The following VPS35L variants were observed in gnomAD, a reference collection of about 807,000 sequenced individuals.
The protein encoded by VPS35L is VPS35 endosomal protein sorting factor like.
Under a neutral mutation model 133.0 loss-of-function variants are expected in VPS35L, and 83 were observed. That is an observed-to-expected ratio of 0.62 (90% CI 0.52 to 0.75). The LOEUF is 0.75. VPS35L is among the 30% of genes least tolerant of loss of function. The pLI is 0.00. For missense variants in VPS35L, 1,083 were observed against 1,206.8 expected, an observed-to-expected ratio of 0.90 and a Z score of 1.52; for synonymous variants, 423 against 449.9, an observed-to-expected ratio of 0.94 and a Z score of 0.76.
In VPS35L at chr16:19,609,110, A is replaced by G. The variant is rs561606925; in HGVS notation, c.929+89A>G. Reference sequence around the variant, plus strand: ...TAGTAATGGCAATGTAATAGTAGCCATTATTCACTGAGTACTTAATGTGTG... The same window carrying G: ...TAGTAATGGCAATGTAATAGTAGCCGTTATTCACTGAGTACTTAATGTGTG... On this transcript the variant is annotated intron_variant, in intron 11 of 30. Coordinates refer to ENST00000417362, the MANE Select transcript of VPS35L (RefSeq NM_020314.7). 2.1e-3 allele frequency: 2,369 copies of G among 1,112,120 alleles called. 6 individuals carry two copies. The highest frequency in any genetic ancestry group is 2.8e-3 in the Non-Finnish European group (2,020 of 733,192). The allele number at this position is 1,112,120 out of a possible 1,614,324, so 68.9% of individuals were successfully genotyped here.
At chr16:19,558,035 A>C (rs1597294935) in intron 1 of VPS35L, among the ~76,000 whole-genome samples, 1 of 151,862 alleles carries the variant, frequency 6.6e-6, no homozygotes, top group Non-Finnish European at 1.5e-5. Flanking sequence ...GTGCCATTGC[A>C]CTCCAGCCTG....
At chr16:19,640,197 G>T (rs913337878) in intron 21 of VPS35L, 97 bp downstream of exon 21, 11 of 1,094,728 alleles carry the variant, frequency 1.0e-5, no homozygotes, top group Non-Finnish European at 1.5e-5. Context: ...GCCGAGTGAT[G>T]TGTACGTATT....
At chr16:19,577,797 A>G (rs554879201) in intron 5 of VPS35L, among the ~76,000 whole-genome samples, 31 of 152,306 alleles carry the variant, frequency 2.0e-4, no homozygotes, top group Non-Finnish European at 3.1e-4. Context: ...CCCTTCCACC[A>G]AGTGAAAACA....
Position 19,610,564 on chromosome 16 carries a change from A to G in VPS35L, c.1023+149A>G, listed in dbSNP as rs553285376. ...ATTTTAGATCATGGCTCTGCCACAGAAAGTAGAACTGTAGGGTTTCTTTTA... is the reference window on the plus strand; with the variant it reads ...ATTTTAGATCATGGCTCTGCCACAGGAAGTAGAACTGTAGGGTTTCTTTTA... On this transcript the variant is annotated intron_variant, in intron 12 of 30. Transcript: ENST00000417362. 1.3e-4 allele frequency: 66 copies of G among 511,950 alleles called. No homozygotes were observed. In the Middle Eastern group the frequency reaches 2.1e-3, roughly 16 times the overall value. The allele number at this position is 511,950 out of a possible 1,614,324, so 31.7% of individuals were successfully genotyped here. A position where few individuals can be genotyped will look rare whatever the true frequency, so the allele number is the denominator to read the frequency against.
At chr16:19,671,546 G>C (rs1351094368) in intron 27 of VPS35L, among the ~76,000 whole-genome samples, 2 of 150,504 alleles carry the variant, frequency 1.3e-5, no homozygotes, top group Non-Finnish European at 2.9e-5. Context: ...GGAGGCTGAA[G>C]CAGGTGGGTC....
intron 14 of VPS35L, among the ~76,000 whole-genome samples, chr16:19,625,863 G>T (rs113123505): frequency 6.6e-6 from 1 of 152,066 alleles, no homozygotes; most frequent in African/African-American, 2.4e-5. Flanking sequence ...TAGTGGAGAC[G>T]GGGTTTTACC....
chr16:19,627,475 C>T (rs1353695403), intron 15 of VPS35L, among the ~76,000 whole-genome samples: 1 of 152,172 alleles, frequency 6.6e-6, no homozygotes, highest in African/African-American at 2.4e-5. Context: ...GCCATCCATC[C>T]ATCTAAACAT....
chr16:19,623,672 G>C (rs1275646818), intron 14 of VPS35L, among the ~76,000 whole-genome samples: 4 of 151,856 alleles, frequency 2.6e-5, no homozygotes, highest in Admixed American at 2.0e-4. Flanking sequence ...GGGTGGAATT[G>C]CACTTAAGAA....
chr16:19,668,095 C>A (rs1974755368), intron 26 of VPS35L, among the ~76,000 whole-genome samples: 1 of 152,122 alleles, frequency 6.6e-6, no homozygotes, highest in African/African-American at 2.4e-5. Context: ...TAAACATAGG[C>A]CTTTCTTCCC....
At chr16:19,616,384 A>AT (rs1972893879) in intron 13 of VPS35L, among the ~76,000 whole-genome samples, 193 bp downstream of exon 13, 1 of 152,202 alleles carries the variant, frequency 6.6e-6, no homozygotes, top group Non-Finnish European at 1.5e-5. Flanking sequence ...GAAAGTTAAT[A>AT]TGCATGTGTT....
At chr16:19,575,993 T>TAA (rs768432545) in intron 5 of VPS35L, among the ~76,000 whole-genome samples, 3 of 82,936 alleles carry the variant, frequency 3.6e-5, no homozygotes, top group East Asian at 3.5e-4. Context: ...CCATCTCTAC[T>TAA]AAAAAAAAAA....
intron 5 of VPS35L, among the ~76,000 whole-genome samples, chr16:19,576,241 C>A (rs1402222215): frequency 6.6e-6 from 1 of 150,908 alleles, no homozygotes; most frequent in African/African-American, 2.4e-5. Flanking sequence ...TTAAGAATTA[C>A]AGAGGAAGTA....
At chr16:19,694,726 C>G (rs1000536423) in intron 29 of VPS35L, among the ~76,000 whole-genome samples, 1 of 152,152 alleles carries the variant, frequency 6.6e-6, no homozygotes, top group African/African-American at 2.4e-5. Context: ...TGAGCTTGGC[C>G]GGGCACGGTT....
Position 19,557,492 on chromosome 16 carries a change from C to G in VPS35L, c.17+1746C>G, listed in dbSNP as rs1970898013. On this transcript the variant is annotated intron_variant, in intron 1 of 30. Transcript: ENST00000417362. ...CCTCCGCCTCCCGGCTCAAGTGATTCTTTGCCTCACTCTCCCGAGTAGCTG... is the reference window on the plus strand; with the variant it reads ...CCTCCGCCTCCCGGCTCAAGTGATTGTTTGCCTCACTCTCCCGAGTAGCTG... 2.0e-5 allele frequency among the ~76,000 whole-genome samples: 3 copies of G among 152,080 alleles called. No homozygotes were observed. The South Asian group carries it at 6.2e-4, about 32-fold the overall frequency.
chr16:19,666,931 T>A (rs200585010), intron 26 of VPS35L, among the ~76,000 whole-genome samples: 2 of 79,922 alleles, frequency 2.5e-5, no homozygotes, highest in African/African-American at 1.0e-4. Context: ...TTTCTTTCTT[T>A]CTTCCTTTCT....
At chr16:19,600,312 A>G (rs1490476402) in intron 8 of VPS35L, among the ~76,000 whole-genome samples, 1 of 152,054 alleles carries the variant, frequency 6.6e-6, no homozygotes, top group Non-Finnish European at 1.5e-5. Flanking sequence ...AAGGTGACTT[A>G]GGAGAGCTTA....
intron 3 of VPS35L, among the ~76,000 whole-genome samples, chr16:19,570,862 T>TTTTTG (rs1971347618): frequency 1.3e-5 from 1 of 76,010 alleles, no homozygotes; most frequent in Non-Finnish European, 2.4e-5. Flanking sequence ...TATATATATA[T>TTTTTG]ATATATATAT....
chr16:19,597,680 C>G (rs9931300), intron 8 of VPS35L, among the ~76,000 whole-genome samples: 4,044 of 152,280 alleles, frequency 0.027, 178 homozygotes, highest in African/African-American at 0.09. Context: ...GGTGTTCCCA[C>G]GGTGCTGTTG....
At chr16:19,559,076 T>C (rs922386991) in intron 1 of VPS35L, among the ~76,000 whole-genome samples, 1 of 152,170 alleles carries the variant, frequency 6.6e-6, no homozygotes, top group Non-Finnish European at 1.5e-5. Flanking sequence ...AAAAACTTAT[T>C]TGAGAATTAA....
Sources: allele counts gnomAD v4.1 joint callset (sites outside exome capture counted in the v4.1 genomes callset), GRCh38; gene constraint gnomAD v4.1.1; transcripts MANE v1.5; gene names NCBI Gene and HGNC (gene_info 2026-07-23, HGNC 2026-07-21).